The following WDR4 variants were observed in gnomAD, a reference collection of about 807,000 sequenced individuals.
The protein encoded by WDR4 is tRNA (guanine-N(7)-)-methyltransferase non-catalytic subunit WDR4.
WDR4 carries 47 observed loss-of-function variants against 48.6 expected under a neutral mutation model. That is an observed-to-expected ratio of 0.97 (90% CI 0.77 to 1.23). The LOEUF is 1.23. Ranked by LOEUF, WDR4 falls within the 50% of genes most tolerant of loss-of-function variation. WDR4 has a pLI of 0.00. For missense variants in WDR4, 606 were observed against 551.6 expected, an observed-to-expected ratio of 1.10 and a Z score of -0.99; for synonymous variants, 268 against 230.0, an observed-to-expected ratio of 1.17 and a Z score of -1.49.
intron 1 of WDR4, among the ~76,000 whole-genome samples, chr21:42,878,048 A>AG (rs1204338202): frequency 1.3e-5 from 2 of 151,580 alleles, no homozygotes; most frequent in African/African-American, 2.4e-5. Context: ...CCTCAAAAAA[A>AG]AAAAAAAAGA....
intron 7 of WDR4, among the ~76,000 whole-genome samples, chr21:42,855,207 T>C (rs561582771): frequency 6.6e-6 from 1 of 152,282 alleles, no homozygotes; most frequent in African/African-American, 2.4e-5. Context: ...GGAAAAGGCC[T>C]GGTCCTCTCT....
chr21:42,859,082 A>G (rs1396244293), intron 6 of WDR4, among the ~76,000 whole-genome samples: 1 of 152,064 alleles, frequency 6.6e-6, no homozygotes, highest in African/African-American at 2.4e-5. Flanking sequence ...CCAGGACCCA[A>G]TTGCTGGGAC....
chr21:42,873,550 C>G lies in WDR4; in HGVS notation c.296+1G>C. 1 of 1,614,040 alleles carries G rather than the reference C, an allele frequency of 6.2e-7. No individual in the cohort carries two copies. The highest frequency in any genetic ancestry group is 1.1e-5 in the South Asian group (1 of 91,064). On this transcript the variant is annotated splice_donor_variant, in intron 3 of 10. Transcript: ENST00000398208. LOFTEE classifies it high-confidence loss of function. ...AAGAATCCAGCGTTAGCATCTCATA[C>G]CTGACACTCAGACATTGCCATGGTT... is the stretch of plus-strand genomic sequence containing the variant.
intron 3 of WDR4, among the ~76,000 whole-genome samples, chr21:42,868,562 A>G (rs1001886973): frequency 5.9e-5 from 9 of 152,228 alleles, no homozygotes; most frequent in African/African-American, 2.2e-4. Context: ...GGTACCAGAC[A>G]TCAAAAGCCT....
chr21:42,856,557 C>T (rs1039874722), intron 6 of WDR4, among the ~76,000 whole-genome samples: 1 of 151,976 alleles, frequency 6.6e-6, no homozygotes, highest in Non-Finnish European at 1.5e-5. Flanking sequence ...GCATGAGCCA[C>T]CATACCTGGC....
chr21:42,858,540 C>G (rs371988747), intron 6 of WDR4, among the ~76,000 whole-genome samples: 1 of 152,242 alleles, frequency 6.6e-6, no homozygotes, highest in East Asian at 1.9e-4. Context: ...TCAGAAAACA[C>G]TGACCCTCCT....
At chr21:42,847,354 G>C (rs1204203343), downstream of WDR4, among the ~76,000 whole-genome samples, 1 of 152,196 alleles carries the variant, frequency 6.6e-6, no homozygotes, top group Non-Finnish European at 1.5e-5. Context: ...GGTATTTCTG[G>C]GATGACTTCG....
At chr21:42,867,147 T>C (rs980764037) in intron 3 of WDR4, among the ~76,000 whole-genome samples, 2 of 152,176 alleles carry the variant, frequency 1.3e-5, no homozygotes, top group Non-Finnish European at 2.9e-5. Context: ...TCCTAGAGCT[T>C]TGGGAAGCCA....
chr21:42,854,526 A>G (rs758855785), intron 8 of WDR4, 36 bp downstream of exon 8: 13 of 1,600,454 alleles, frequency 8.1e-6, no homozygotes, highest in African/African-American at 1.3e-5. Flanking sequence ...GCAGGTCTGC[A>G]GAACCGGAGG....
the WDR4 span, among the ~76,000 whole-genome samples, chr21:42,892,315 G>A: frequency 6.6e-6 from 1 of 150,978 alleles, no homozygotes; most frequent in Non-Finnish European, 1.5e-5. Flanking sequence ...TCTCCCTTTA[G>A]GGACAAAGGA....
intron 2 of WDR4, among the ~76,000 whole-genome samples, chr21:42,874,623 C>A (rs1304260236): frequency 6.6e-6 from 1 of 152,046 alleles, no homozygotes; most frequent in Non-Finnish European, 1.5e-5. Context: ...TCTGAAATGG[C>A]CCCCTTGGGT....
At chr21:42,871,165 G>C (rs992098720) in intron 3 of WDR4, among the ~76,000 whole-genome samples, 3 of 152,212 alleles carry the variant, frequency 2.0e-5, no homozygotes, top group African/African-American at 7.2e-5. Flanking sequence ...AGCAAGCCAA[G>C]GAGAGAGGCC....
At chr21:42,892,762 G>C in the WDR4 span, among the ~76,000 whole-genome samples, 5 of 152,236 alleles carry the variant, frequency 3.3e-5, no homozygotes, top group Non-Finnish European at 7.3e-5. Context: ...TGGTATTAGC[G>C]TTGGCAGGGG....
chr21:42,858,981 T>C (rs2058055131), intron 6 of WDR4, among the ~76,000 whole-genome samples: 1 of 152,088 alleles, frequency 6.6e-6, no homozygotes, highest in Non-Finnish European at 1.5e-5. Context: ...CTGTGAGGAA[T>C]CCAAGGCCCT....
At chr21:42,848,485 T>A (rs1318775047), downstream of WDR4, among the ~76,000 whole-genome samples, 74 of 28,226 alleles carry the variant, frequency 2.6e-3, no homozygotes, top group African/African-American at 6.2e-3. Flanking sequence ...CACACCTCAC[T>A]CACACAGCGC....
the WDR4 span, among the ~76,000 whole-genome samples, chr21:42,885,872 T>G: frequency 6.6e-6 from 1 of 152,106 alleles, no homozygotes; most frequent in Admixed American, 6.6e-5. Flanking sequence ...ACTTTTAAGT[T>G]TTTTGTAGAG....
intron 11 of WDR4, among the ~76,000 whole-genome samples, chr21:42,843,521 CCG>C (rs2057684464): frequency 6.6e-6 from 1 of 151,270 alleles, no homozygotes; most frequent in Non-Finnish European, 1.5e-5. Context: ...AGTGATCCTC[CCG>C]CCTCAGCCTC....
intron 11 of WDR4, chr21:42,843,366 C>CATGATT (rs2057682699): frequency 6.8e-6 from 1 of 146,906 alleles, no homozygotes; most frequent in African/African-American, 2.5e-5. Context: ...TTTTTTAAAG[C>CATGATT]ATGATTATGA....
At chr21:42,864,038 C>T (rs1418074508) in intron 3 of WDR4, among the ~76,000 whole-genome samples, 1 of 74,326 alleles carries the variant, frequency 1.3e-5, no homozygotes, top group African/African-American at 9.8e-5. Flanking sequence ...ACCCGGGAGG[C>T]GGAGCTTGCA....
Sources: allele counts gnomAD v4.1 joint callset (sites outside exome capture counted in the v4.1 genomes callset), GRCh38; gene constraint gnomAD v4.1.1; transcripts MANE v1.5; gene names NCBI Gene and HGNC (gene_info 2026-07-23, HGNC 2026-07-21).